IL1RAPL2: variants seen among roughly 807,000 people sequenced by gnomAD.
IL1RAPL2 encodes X-linked interleukin-1 receptor accessory protein-like 2.
Under a neutral mutation model 44.1 loss-of-function variants are expected in IL1RAPL2, and 3 were observed. That is an observed-to-expected ratio of 0.07 (90% CI 0.03 to 0.18). The LOEUF (loss-of-function observed/expected upper bound fraction) is 0.18, where lower values mean the gene tolerates loss of function less well. IL1RAPL2 is among the 10% of genes least tolerant of loss of function. The pLI, the probability that IL1RAPL2 is intolerant of heterozygous loss-of-function variation, is 1.00. For missense variants in IL1RAPL2, 391 were observed against 496.4 expected, an observed-to-expected ratio of 0.79 and a Z score of 2.02; for synonymous variants, 181 against 178.8, an observed-to-expected ratio of 1.01 and a Z score of -0.10.
chrX:105,735,752 A>G (rs2038442572), intron 7 of IL1RAPL2, among the ~76,000 whole-genome samples: 1 of 111,776 alleles, frequency 8.9e-6, no homozygotes, highest in South Asian at 3.7e-4. Context: ...GTTTAATGGA[A>G]GAAGGGACCA....
chrX:104,702,095 C>A (rs1364020334), intron 2 of IL1RAPL2, among the ~76,000 whole-genome samples: 3 of 111,713 alleles, frequency 2.7e-5, no homozygotes, highest in African/African-American at 6.5e-5. Flanking sequence ...GGAATCCAGT[C>A]CCAATTAACT....
chrX:105,104,663 A>C (rs1342207977), intron 2 of IL1RAPL2, among the ~76,000 whole-genome samples: 1 of 112,039 alleles, frequency 8.9e-6, no homozygotes, highest in East Asian at 2.8e-4. Context: ...TCATTTAACA[A>C]ACATTTATTG....
At chrX:105,076,761 T>C (rs759623528) in intron 2 of IL1RAPL2, among the ~76,000 whole-genome samples, 1,861 of 111,670 alleles carry the variant, frequency 0.017, 41 homozygotes, top group African/African-American at 0.057. Flanking sequence ...GGATAGTTAG[T>C]TCTTCTTGTT....
rs186061138 is a variant in IL1RAPL2 at position 105,017,956 on chromosome X, G to A, written c.83-177519G>A. On this transcript the variant is annotated intron_variant, in intron 2 of 10. Coordinates refer to ENST00000372582, the MANE Select transcript of IL1RAPL2 (RefSeq NM_017416.2). ...CAAAGCTGATTCTCACCTGTTCTTA[G>A]GTAAGCTACTGAATGCAACACAAAG... Among the ~76,000 whole-genome samples the A allele has an allele frequency of 6.2e-3, 686 of 111,544 alleles. 8 individuals carry two copies. The highest frequency in any genetic ancestry group is 0.022 in the African/African-American group (662 of 30,772).
chrX:104,610,435 C>A (rs1929127791), intron 1 of IL1RAPL2, among the ~76,000 whole-genome samples: 1 of 111,901 alleles, frequency 8.9e-6, no homozygotes, highest in African/African-American at 3.2e-5. Flanking sequence ...TCAGCAAAGT[C>A]TCAGGATACA....
chrX:105,169,984 G>A (rs1471848003), intron 2 of IL1RAPL2, among the ~76,000 whole-genome samples: 2 of 110,278 alleles, frequency 1.8e-5, no homozygotes, highest in African/African-American at 6.6e-5. Flanking sequence ...AAAGCCAATG[G>A]ACATCAACAA....
intron 2 of IL1RAPL2, among the ~76,000 whole-genome samples, chrX:105,113,652 T>G (rs2064924855): frequency 1.8e-5 from 2 of 111,964 alleles, no homozygotes; most frequent in Admixed American, 1.9e-4. Context: ...AGTCTCTCTA[T>G]CATTTTGTAT....
At chrX:105,452,673 AG>A (rs370182798) in intron 5 of IL1RAPL2, among the ~76,000 whole-genome samples, 7 of 110,011 alleles carry the variant, frequency 6.4e-5, no homozygotes, top group Middle Eastern at 4.7e-3. Flanking sequence ...AATAGATAAA[AG>A]GGGGGGGACA....
chrX:105,084,478 G>T (rs1022467897), intron 2 of IL1RAPL2, among the ~76,000 whole-genome samples: 3 of 112,958 alleles, frequency 2.7e-5, no homozygotes, highest in African/African-American at 9.6e-5. Flanking sequence ...TTAATATTTA[G>T]TGAGTGCCTC....
intron 5 of IL1RAPL2, among the ~76,000 whole-genome samples, chrX:105,474,457 A>C (rs1403688439): frequency 8.9e-6 from 1 of 111,977 alleles, no homozygotes; most frequent in African/African-American, 3.2e-5. Context: ...TAAAACAGTC[A>C]ATTACCACTT....
At chrX:105,265,236 G>A (rs1309203277) in intron 4 of IL1RAPL2, among the ~76,000 whole-genome samples, 1 of 112,156 alleles carries the variant, frequency 8.9e-6, no homozygotes, top group Non-Finnish European at 1.9e-5. Context: ...CAGCAGCTCA[G>A]TTTTCATTTT....
chrX:105,319,565 G>A (rs752923672), intron 5 of IL1RAPL2, among the ~76,000 whole-genome samples: 20 of 111,935 alleles, frequency 1.8e-4, no homozygotes, highest in South Asian at 3.7e-4. Flanking sequence ...AAAATAGTGG[G>A]AAATTAAAGA....
intron 2 of IL1RAPL2, among the ~76,000 whole-genome samples, chrX:105,023,938 A>AT (rs755524542): frequency 3.6e-5 from 4 of 110,760 alleles, no homozygotes; most frequent in East Asian, 2.9e-4. Context: ...CCTAAAAGTG[A>AT]TTTTTTCCAT....
intron 2 of IL1RAPL2, among the ~76,000 whole-genome samples, chrX:104,888,919 G>T (rs970066927): frequency 3.1e-4 from 34 of 111,276 alleles, no homozygotes; most frequent in Non-Finnish European, 7.5e-5. Context: ...GCAATGAAAA[G>T]CCCATACACG....
intron 5 of IL1RAPL2, among the ~76,000 whole-genome samples, chrX:105,314,981 A>T (rs1195070420): frequency 8.9e-6 from 1 of 112,341 alleles, no homozygotes; most frequent in Non-Finnish European, 1.9e-5. Context: ...AGTAGAAAAT[A>T]GGCAATCAAG....
chrX:104,608,050 T>TA (rs750523652), intron 1 of IL1RAPL2, among the ~76,000 whole-genome samples: 1 of 111,199 alleles, frequency 9.0e-6, no homozygotes, highest in Non-Finnish European at 1.9e-5. Flanking sequence ...TATGCAGCCA[T>TA]AAAAAAGGAT....
intron 7 of IL1RAPL2, among the ~76,000 whole-genome samples, chrX:105,737,299 C>T (rs1323080235): frequency 9.0e-6 from 1 of 111,012 alleles, no homozygotes; most frequent in African/African-American, 3.3e-5. Flanking sequence ...GTACACCAAA[C>T]CCCTGTGACA....
chrX:105,277,686 C>T (rs751403209), intron 5 of IL1RAPL2, among the ~76,000 whole-genome samples: 14 of 111,300 alleles, frequency 1.3e-4, no homozygotes, highest in African/African-American at 3.9e-4. Context: ...ATAGGCATAA[C>T]TAATGGTGGG....
chrX:105,693,644 G>A (rs747527511), intron 6 of IL1RAPL2, among the ~76,000 whole-genome samples: 3 of 111,363 alleles, frequency 2.7e-5, no homozygotes, highest in Non-Finnish European at 5.7e-5. Flanking sequence ...ACATAAAACA[G>A]ACTAACACAG....
Sources: allele counts gnomAD v4.1 joint callset (sites outside exome capture counted in the v4.1 genomes callset), GRCh38; gene constraint gnomAD v4.1.1; transcripts MANE v1.5; gene names NCBI Gene and HGNC (gene_info 2026-07-23, HGNC 2026-07-21).